WWOX: variants seen among roughly 807,000 people sequenced by gnomAD.
WWOX encodes WW domain-containing oxidoreductase.
WWOX carries 69 observed loss-of-function variants against 46.2 expected under a neutral mutation model. The observed-to-expected ratio is 1.49, with a 90% CI of 1.23 to 1.82. The LOEUF (loss-of-function observed/expected upper bound fraction) is 1.82, where lower values mean the gene tolerates loss of function less well. Ranked by LOEUF, WWOX falls within the 40% of genes most tolerant of loss-of-function variation. WWOX has a pLI of 0.00. For synonymous variants in WWOX, 359 were observed against 202.6 expected, an observed-to-expected ratio of 1.77 and a Z score of -6.56; for missense variants, 919 against 542.6, an observed-to-expected ratio of 1.69 and a Z score of -6.89.
intron 8 of WWOX, among the ~76,000 whole-genome samples, chr16:78,870,261 A>G (rs766697421): frequency 2.6e-5 from 4 of 152,148 alleles, no homozygotes; most frequent in Non-Finnish European, 5.9e-5. Context: ...GCTTGATGAC[A>G]ATGACCCAGT....
At chr16:79,192,989 C>T (rs1015831965) in intron 8 of WWOX, among the ~76,000 whole-genome samples, 3 of 152,340 alleles carry the variant, frequency 2.0e-5, no homozygotes, top group African/African-American at 7.2e-5. Flanking sequence ...CTTTCTGCTA[C>T]TTCTCTTTGG....
intron 8 of WWOX, among the ~76,000 whole-genome samples, chr16:79,135,107 A>T (rs1248204098): frequency 6.6e-6 from 1 of 152,134 alleles, no homozygotes. Context: ...GAATTTTCTA[A>T]CAATTTTTTT....
chr16:78,149,577 C>T (rs974766457), intron 4 of WWOX, among the ~76,000 whole-genome samples: 1 of 152,180 alleles, frequency 6.6e-6, no homozygotes, highest in Non-Finnish European at 1.5e-5. Context: ...TGGGATTACA[C>T]CGAAGGGAGC....
intron 8 of WWOX, among the ~76,000 whole-genome samples, chr16:79,171,926 G>A (rs1431079549): frequency 6.6e-6 from 1 of 152,128 alleles, no homozygotes; most frequent in Non-Finnish European, 1.5e-5. Context: ...TTTTAAGATG[G>A]CTTCCTGCAT....
chr16:78,960,327 G>C (rs547248634), intron 8 of WWOX, among the ~76,000 whole-genome samples: 3 of 152,188 alleles, frequency 2.0e-5, no homozygotes, highest in Non-Finnish European at 2.9e-5. Flanking sequence ...CGTTTGGCTT[G>C]TGGTATATTC....
Position 79,165,356 on chromosome 16 carries a change from G to A in WWOX, c.1057-46252G>A, listed in dbSNP as rs575230613. Among the ~76,000 whole-genome samples, 84 of 152,254 alleles carry A rather than the reference G, an allele frequency of 5.5e-4. 1 individual carries two copies. The South Asian group carries it at 0.017, about 32-fold the overall frequency. ...TTGCCTGTTTGAAGCAGGTGTCGTG[G>A]AAACAACATGGGCTTTAGAGCCAGA... On this transcript the variant is annotated intron_variant, in intron 8 of 8. Coordinates refer to ENST00000566780, the MANE Select transcript of WWOX (RefSeq NM_016373.4).
chr16:79,171,518 T>C (rs982982308), intron 8 of WWOX, among the ~76,000 whole-genome samples: 13 of 152,188 alleles, frequency 8.5e-5, no homozygotes, highest in African/African-American at 2.7e-4. Flanking sequence ...CCTTTTTTGC[T>C]GCTGTTTTAA....
chr16:78,982,626 GAGA>G (rs1198136881), intron 8 of WWOX, among the ~76,000 whole-genome samples: 3 of 152,334 alleles, frequency 2.0e-5, no homozygotes, highest in Admixed American at 1.3e-4. Flanking sequence ...GGAGCAGGCA[GAGA>G]AGGAGGGAAG....
At chr16:78,938,326 G>C (rs749107646) in intron 8 of WWOX, among the ~76,000 whole-genome samples, 3 of 152,212 alleles carry the variant, frequency 2.0e-5, no homozygotes, top group Non-Finnish European at 4.4e-5. Flanking sequence ...ATCCTTCAGA[G>C]CTTGGCCTCC....
At chr16:78,360,286 A>G (rs984236587) in intron 5 of WWOX, among the ~76,000 whole-genome samples, 1 of 152,134 alleles carries the variant, frequency 6.6e-6, no homozygotes, top group Admixed American at 6.5e-5. Flanking sequence ...TTAGACTCAC[A>G]TAGAAGTTGG....
At chr16:78,792,556 C>A (rs965733662) in intron 8 of WWOX, among the ~76,000 whole-genome samples, 1 of 152,102 alleles carries the variant, frequency 6.6e-6, no homozygotes, top group Admixed American at 6.5e-5. Context: ...AACTTAGGGC[C>A]ATTTAATACA....
At position 79,212,162 on chromosome 16, in the gene WWOX, C is replaced by G; in HGVS notation, c.*366C>G. On this transcript the variant is annotated 3_prime_UTR_variant, in exon 9 of 9. Transcript: ENST00000566780. The stretch of plus-strand genomic sequence containing the variant: ...TCCCCTCGTCCCATCCAGCTACCAC[C>G]ACGGCCACCACTGCAGCCGGGGGCT... The G allele has an allele frequency of 2.0e-6, 3 of 1,494,820 alleles. No individual in the cohort carries two copies. The highest frequency in any genetic ancestry group is 2.7e-6 in the Non-Finnish European group (3 of 1,127,996). 92.6% of individuals were successfully genotyped at this position (1,494,820 alleles called of 1,614,324 possible). A position where few individuals can be genotyped will look rare whatever the true frequency, so the allele number is the denominator to read the frequency against.
chr16:78,604,689 C>T (rs1338664826), intron 8 of WWOX, among the ~76,000 whole-genome samples: 1 of 26,376 alleles, frequency 3.8e-5, no homozygotes, highest in Non-Finnish European at 6.6e-5. Context: ...TCCTTCCCCC[C>T]TCCCTCCTTC....
intron 8 of WWOX, among the ~76,000 whole-genome samples, chr16:78,983,626 A>C (rs534781437): frequency 6.6e-6 from 1 of 152,220 alleles, no homozygotes; most frequent in South Asian, 2.1e-4. Context: ...TCCTGGTGTT[A>C]GATTTGGCCT....
chr16:79,093,702 G>C (rs910941926), intron 8 of WWOX, among the ~76,000 whole-genome samples: 24 of 152,068 alleles, frequency 1.6e-4, no homozygotes, highest in African/African-American at 5.8e-4. Flanking sequence ...CAGCCTTTTT[G>C]GTAACTTGAA....
At chr16:78,585,556 G>T (rs1287760089) in intron 8 of WWOX, among the ~76,000 whole-genome samples, 1 of 152,038 alleles carries the variant, frequency 6.6e-6, no homozygotes. Flanking sequence ...TTTTCTCCTC[G>T]CTTCCACCTT....
intron 5 of WWOX, among the ~76,000 whole-genome samples, chr16:78,233,346 CT>C (rs2037330325): frequency 1.3e-5 from 2 of 151,916 alleles, no homozygotes; most frequent in African/African-American, 2.4e-5. Context: ...GAGACCTACC[CT>C]TTTAACAAAT....
At chr16:78,501,822 G>A (rs952789840) in intron 8 of WWOX, among the ~76,000 whole-genome samples, 2 of 152,114 alleles carry the variant, frequency 1.3e-5, no homozygotes, top group Admixed American at 6.5e-5. Context: ...GAGAAGTTAC[G>A]TGAAACTAGC....
intron 5 of WWOX, among the ~76,000 whole-genome samples, chr16:78,348,984 G>T (rs1442325670): frequency 8.3e-6 from 1 of 120,268 alleles, no homozygotes; most frequent in Non-Finnish European, 2.0e-5. Context: ...ATAGAGGCCG[G>T]TGTACTGGTC....
Sources: gnomAD v4.1 joint callset for allele counts (sites outside exome capture counted in the v4.1 genomes callset) on GRCh38, gnomAD v4.1.1 for gene constraint, MANE v1.5 for transcripts, NCBI Gene and HGNC (gene_info 2026-07-23, HGNC 2026-07-21) for gene names.